Variants in TENT4A observed in about 807,000 individuals in gnomAD.
TENT4A encodes the protein DNA polymerase kappa.
Under a neutral mutation model 72.8 loss-of-function variants are expected in TENT4A, and 7 were observed. The observed-to-expected ratio is 0.10, with a 90% CI of 0.05 to 0.18. The LOEUF is 0.18. Ranked by LOEUF, TENT4A falls within the 10% of genes least tolerant of loss-of-function variation. The pLI is 1.00. For missense variants in TENT4A, 831 were observed against 1,017.7 expected, an observed-to-expected ratio of 0.82 and a Z score of 2.50; for synonymous variants, 456 against 434.3, an observed-to-expected ratio of 1.05 and a Z score of -0.62.
chr5:6,755,038 G>A lies in TENT4A; in HGVS notation c.*93G>A, dbSNP rs1000225301. On this transcript the variant is annotated 3_prime_UTR_variant, in exon 13 of 13. Coordinates refer to ENST00000230859, the MANE Select transcript of TENT4A (RefSeq NM_006999.6). ...GGGAACCGAGACCAGCACCCCGCAC[G>A]TCAGCCGGGCTCGCGGCACGCCCGC... 34 of 1,168,626 alleles carry A rather than the reference G, an allele frequency of 2.9e-5. No individual in the cohort carries two copies. The highest frequency in any genetic ancestry group is 1.5e-4 in the Admixed American group (5 of 33,886). 72.4% of individuals were successfully genotyped at this position (1,168,626 alleles called of 1,614,324 possible).
intron 1 of TENT4A, among the ~76,000 whole-genome samples, chr5:6,726,694 C>G (rs1489387732): frequency 6.6e-6 from 1 of 152,128 alleles, no homozygotes; most frequent in Non-Finnish European, 1.5e-5. Context: ...TGCTTCAGAA[C>G]CCACGTGCGT....
At chr5:6,735,259 A>G (rs1400753795) in intron 1 of TENT4A, among the ~76,000 whole-genome samples, 3 of 151,638 alleles carry the variant, frequency 2.0e-5, no homozygotes, top group Non-Finnish European at 2.9e-5. Context: ...TAGAATCTCT[A>G]AATTTCTCTA....
chr5:6,742,457 G>C (rs1343650966), intron 4 of TENT4A, 33 bp from the exon 5 acceptor site: 14 of 1,397,854 alleles, frequency 1.0e-5, no homozygotes, highest in Middle Eastern at 1.8e-4. Context: ...AGTCCTGCAT[G>C]TTAAAGCAGT....
intron 1 of TENT4A, among the ~76,000 whole-genome samples, chr5:6,723,799 T>C (rs114413850): frequency 0.019 from 2,935 of 152,296 alleles, 34 homozygotes; most frequent in Non-Finnish European, 0.03. Flanking sequence ...GAGGATTTCA[T>C]AGGGAAGCCA....
At chr5:6,739,596 G>T in intron 3 of TENT4A, 136 bp from the exon 4 acceptor site, 2 of 974,828 alleles carry the variant, frequency 2.1e-6, no homozygotes. Context: ...CCTCCTTAGG[G>T]GCCATAGGCT....
chr5:6,729,766 T>G (rs192830109), intron 1 of TENT4A, among the ~76,000 whole-genome samples: 78 of 152,216 alleles, frequency 5.1e-4, no homozygotes, highest in African/African-American at 1.7e-3. Context: ...CCCTTGGTGG[T>G]TTTTTTGTGT....
chr5:6,730,546 C>G (rs1741159629), intron 1 of TENT4A, among the ~76,000 whole-genome samples: 2 of 152,160 alleles, frequency 1.3e-5, no homozygotes, highest in African/African-American at 4.8e-5. Context: ...AGCAGACTGT[C>G]CTGGGTCCTT....
intron 4 of TENT4A, among the ~76,000 whole-genome samples, chr5:6,741,185 T>C (rs988838672): frequency 6.6e-6 from 1 of 152,184 alleles, no homozygotes; most frequent in East Asian, 1.9e-4. Flanking sequence ...AAGTATCTTT[T>C]CCTCTGTTAC....
intron 1 of TENT4A, among the ~76,000 whole-genome samples, chr5:6,733,535 A>T (rs1741308964): frequency 6.6e-6 from 1 of 152,262 alleles, no homozygotes; most frequent in African/African-American, 2.4e-5. Flanking sequence ...ATTGAGCTTT[A>T]AAAGATATTG....
chr5:6,741,660 A>G (rs548272582), intron 4 of TENT4A, among the ~76,000 whole-genome samples: 2 of 152,228 alleles, frequency 1.3e-5, no homozygotes, highest in African/African-American at 2.4e-5. Flanking sequence ...CCCCACTGGC[A>G]TGTCCTCACA....
At position 6,755,047 on chromosome 5, in the gene TENT4A, G is replaced by T; in HGVS notation, c.*102G>T. 9.5e-7 allele frequency: 1 copy of T among 1,056,894 alleles called. No individual in the cohort carries two copies. 65.5% of individuals were successfully genotyped at this position (1,056,894 alleles called of 1,614,324 possible). A position where few individuals can be genotyped will look rare whatever the true frequency, so the allele number is the denominator to read the frequency against. ...GACCAGCACCCCGCACGTCAGCCGG[G>T]CTCGCGGCACGCCCGCCGCTGATCA... is the stretch of plus-strand genomic sequence containing the variant. On this transcript the variant is annotated 3_prime_UTR_variant, in exon 13 of 13. Coordinates refer to ENST00000230859, the MANE Select transcript of TENT4A (RefSeq NM_006999.6).
chr5:6,744,969 T>C (rs1742008880), intron 6 of TENT4A, among the ~76,000 whole-genome samples: 1 of 152,170 alleles, frequency 6.6e-6, no homozygotes, highest in Non-Finnish European at 1.5e-5. Context: ...GGGGGTCCTT[T>C]CAGTGATCCT....
chr5:6,755,620 T>C lies in TENT4A; in HGVS notation c.*675T>C, dbSNP rs1742651879. 6.6e-6 allele frequency: 1 copy of C among 152,458 alleles called. No homozygotes were observed. Among genetic ancestry groups the C allele is most frequent in the African/African-American group, 2.4e-5 (1 of 41,444 alleles). 9.4% of individuals were successfully genotyped at this position (152,458 alleles called of 1,614,324 possible). A position where few individuals can be genotyped will look rare whatever the true frequency, so the allele number is the denominator to read the frequency against. ...CGTTACAAACACCATGATGAGGGGTTTGGGGTTTTATTTTGATGTCTTTTC... is the reference window on the plus strand; with the variant it reads ...CGTTACAAACACCATGATGAGGGGTCTGGGGTTTTATTTTGATGTCTTTTC... On this transcript the variant is annotated 3_prime_UTR_variant, in exon 13 of 13. Coordinates refer to ENST00000230859, the MANE Select transcript of TENT4A (RefSeq NM_006999.6).
At chr5:6,733,293 C>A (rs935935899) in intron 1 of TENT4A, among the ~76,000 whole-genome samples, 1 of 152,196 alleles carries the variant, frequency 6.6e-6, no homozygotes, top group Admixed American at 6.5e-5. Flanking sequence ...ATGGTCAGGC[C>A]GCCTCTTGGC....
chr5:6,727,519 T>C (rs1740993951), intron 1 of TENT4A, among the ~76,000 whole-genome samples: 1 of 152,218 alleles, frequency 6.6e-6, no homozygotes, highest in African/African-American at 2.4e-5. Flanking sequence ...CTGCTTGGGC[T>C]GTGCTGGTGC....
chr5:6,725,451 A>T (rs1205949835), intron 1 of TENT4A, among the ~76,000 whole-genome samples: 1 of 152,238 alleles, frequency 6.6e-6, no homozygotes, highest in African/African-American at 2.4e-5. Context: ...CCAGAGATGG[A>T]CAGCTAGTGC....
intron 1 of TENT4A, among the ~76,000 whole-genome samples, chr5:6,715,498 T>G (rs1271225467): frequency 6.6e-6 from 1 of 152,192 alleles, no homozygotes; most frequent in Non-Finnish European, 1.5e-5. Context: ...CATTTTGGGC[T>G]TTTCTGAGCG....
In TENT4A at chr5:6,714,195, C is replaced by A; in HGVS notation, c.212C>A (p.Ala71Glu). The A allele has an allele frequency of 1.1e-6, 1 of 912,066 alleles. No individual in the cohort carries two copies. The highest frequency in any genetic ancestry group is 1.3e-4 in the East Asian group (1 of 7,714). 56.5% of individuals were successfully genotyped at this position (912,066 alleles called of 1,614,324 possible). A position where few individuals can be genotyped will look rare whatever the true frequency, so the allele number is the denominator to read the frequency against. ...GGCCTGGGCCCCGCGCTGCCCGCCGCGTCGCCCCCGCCGCCCGGCCCCACC... is the reference window on the plus strand; with the variant it reads ...GGCCTGGGCCCCGCGCTGCCCGCCGAGTCGCCCCCGCCGCCCGGCCCCACC... ...SGGLGPALPA[A>E]SPPPPGPTAP... is the part of the protein sequence containing the mutation. Residue 71 changes from alanine to glutamate, a missense_variant, in exon 1 of 13, where the codon GCG becomes GAG. Ala to Glu is a moderately radical substitution (Grantham distance 107). This residue lies in a region of TENT4A where 302 missense variants were observed against 293.8 expected (regional missense o/e 1.03). Transcript: ENST00000230859.
chr5:6,734,334 A>G (rs932854879), intron 1 of TENT4A, among the ~76,000 whole-genome samples: 1 of 152,208 alleles, frequency 6.6e-6, no homozygotes, highest in Non-Finnish European at 1.5e-5. Context: ...AGGGCCTCAC[A>G]AAGAGCCAAG....
Sources: gnomAD v4.1 joint callset for allele counts (sites outside exome capture counted in the v4.1 genomes callset) on GRCh38, gnomAD v4.1.1 for gene constraint, gnomAD v4.1.1 regional missense constraint, MANE v1.5 for transcripts, NCBI Gene and HGNC (gene_info 2026-07-23, HGNC 2026-07-21) for gene names.